The following DLGAP2 variants were observed in gnomAD, a reference collection of about 807,000 sequenced individuals.
DLGAP2 encodes the protein DLG associated protein 2.
Under a neutral mutation model 100.3 loss-of-function variants are expected in DLGAP2, and 26 were observed. The observed-to-expected ratio is 0.26, with a 90% confidence interval of 0.19 to 0.36. The LOEUF (loss-of-function observed/expected upper bound fraction) is 0.36, where lower values mean the gene tolerates loss of function less well. DLGAP2 is among the 10% of genes least tolerant of loss of function. The pLI is 1.00. For synonymous variants in DLGAP2, 886 were observed against 630.1 expected (o/e 1.41, Z -6.08); for missense variants, 1,858 against 1,453.2 (o/e 1.28, Z -4.53).
intron 9 of DLGAP2, 122 bp downstream of exon 9, chr8:1,668,800 T>A (rs1475115231): frequency 9.5e-6 from 9 of 944,246 alleles, no homozygotes; most frequent in Non-Finnish European, 1.4e-5. Context: ...CCAGCAGGGC[T>A]GTGGAATCTG....
At chr8:1,074,172 G>T (rs144344945) in intron 2 of DLGAP2, among the ~76,000 whole-genome samples, 5 of 135,700 alleles carry the variant, frequency 3.7e-5, no homozygotes, top group Admixed American at 1.5e-4. Flanking sequence ...ATATTCAGGA[G>T]TCACTGTAAC....
intron 13 of DLGAP2, among the ~76,000 whole-genome samples, chr8:1,693,209 ATG>A (rs1030998843): frequency 1.3e-5 from 2 of 148,474 alleles, no homozygotes; most frequent in Non-Finnish European, 3.0e-5. Flanking sequence ...AATATATAGT[ATG>A]TGTGTAGGCA....
intron 1 of DLGAP2, among the ~76,000 whole-genome samples, chr8:892,222 G>C (rs1003148512): frequency 6.6e-6 from 1 of 152,224 alleles, no homozygotes; most frequent in Admixed American, 6.5e-5. Context: ...ATGATAGACA[G>C]CGGGGTCTCG....
intron 2 of DLGAP2, among the ~76,000 whole-genome samples, chr8:937,755 C>T (rs1799104617): frequency 6.6e-6 from 1 of 152,178 alleles, no homozygotes; most frequent in Non-Finnish European, 1.5e-5. Flanking sequence ...GTGTTGTCTG[C>T]GTCTGTGCCC....
At chr8:1,330,323 G>C (rs1375450062) in intron 3 of DLGAP2, among the ~76,000 whole-genome samples, 2 of 151,024 alleles carry the variant, frequency 1.3e-5, no homozygotes, top group African/African-American at 4.9e-5. Context: ...CTGAGTTCTG[G>C]GTGGGAGCAC....
At chr8:996,417 T>G (rs1176174678) in intron 2 of DLGAP2, among the ~76,000 whole-genome samples, 1 of 151,776 alleles carries the variant, frequency 6.6e-6, no homozygotes, top group Non-Finnish European at 1.5e-5. Context: ...CGTGTGTGCT[T>G]TGAGCAAAGC....
At position 1,644,019 on chromosome 8, in the gene DLGAP2, C is replaced by T. The variant is rs562624090; in HGVS notation, c.1810+10973C>T. On this transcript the variant is annotated intron_variant, in intron 8 of 14. Transcript: ENST00000637795. ...TCCTCACCTGTGTCACCCTCGACCC[C>T]GCCGGCCCTCACCTGTGTCACCCTC... Among the ~76,000 whole-genome samples the T allele has an allele frequency of 7.9e-5, 6 of 76,230 alleles. 3 individuals are homozygous for T. The highest frequency in any genetic ancestry group is 4.7e-4 in the African/African-American group (6 of 12,738). The allele number at this position is 76,230 out of a possible 152,430, so 50.0% of individuals were successfully genotyped here. A position where few individuals can be genotyped will look rare whatever the true frequency, so the allele number is the denominator to read the frequency against.
At chr8:805,192 A>G (rs1796244755) in intron 1 of DLGAP2, among the ~76,000 whole-genome samples, 1 of 152,224 alleles carries the variant, frequency 6.6e-6, no homozygotes, top group Non-Finnish European at 1.5e-5. Context: ...TAATGCCCAG[A>G]ATAATGAAGG....
At chr8:951,765 G>A (rs1799485864) in intron 2 of DLGAP2, among the ~76,000 whole-genome samples, 1 of 152,196 alleles carries the variant, frequency 6.6e-6, no homozygotes, top group Non-Finnish European at 1.5e-5. Context: ...GCATTTCCTA[G>A]ATCAGATGAG....
intron 3 of DLGAP2, among the ~76,000 whole-genome samples, chr8:1,483,402 C>T (rs1212736372): frequency 6.6e-6 from 1 of 152,182 alleles, no homozygotes; most frequent in Non-Finnish European, 1.5e-5. Context: ...AGCACACCTG[C>T]TGTTGGCTTG....
chr8:1,375,207 T>G lies in DLGAP2; in HGVS notation c.106+116324T>G, dbSNP rs60963060. ...CCCCTCTCCACGGCCTCAGAACTGA[T>G]CCCCCACCTCCTACATTTGGGTTAA... On this transcript the variant is annotated intron_variant, in intron 3 of 14. Transcript: ENST00000637795. Among the ~76,000 whole-genome samples the G allele has an allele frequency of 4.7e-3, 304 of 64,574 alleles. 36 individuals carry two copies. The highest frequency in any genetic ancestry group is 0.018 in the East Asian group (25 of 1,390). 42.4% of individuals were successfully genotyped at this position (64,574 alleles called of 152,430 possible). A position where few individuals can be genotyped will look rare whatever the true frequency, so the allele number is the denominator to read the frequency against.
At chr8:1,506,976 A>G (rs1306684536) in intron 4 of DLGAP2, among the ~76,000 whole-genome samples, 1 of 152,250 alleles carries the variant, frequency 6.6e-6, no homozygotes, top group Non-Finnish European at 1.5e-5. Context: ...AGCTAGATAC[A>G]GGGTGCTGAT....
chr8:835,061 G>A (rs1278790059), intron 1 of DLGAP2, among the ~76,000 whole-genome samples: 2 of 152,130 alleles, frequency 1.3e-5, no homozygotes, highest in African/African-American at 2.4e-5. Flanking sequence ...GCACGTGTTA[G>A]TGTGCATGTA....
At chr8:1,591,719 C>G (rs1315124059) in intron 6 of DLGAP2, among the ~76,000 whole-genome samples, 1 of 152,170 alleles carries the variant, frequency 6.6e-6, no homozygotes, top group Admixed American at 6.5e-5. Context: ...CCCACACACC[C>G]GCATATCTCC....
At chr8:793,180 T>G (rs1795954205) in intron 1 of DLGAP2, among the ~76,000 whole-genome samples, 1 of 152,252 alleles carries the variant, frequency 6.6e-6, no homozygotes, top group South Asian at 2.1e-4. Context: ...AGTCTCTTTG[T>G]TCACATCTGT....
chr8:1,169,176 A>C (rs1797076822), intron 2 of DLGAP2, among the ~76,000 whole-genome samples: 1 of 151,946 alleles, frequency 6.6e-6, no homozygotes. Flanking sequence ...AGGTTTGTCA[A>C]AGATCAGATG....
rs146144759 is a variant in DLGAP2, at chr8:1,358,211, A to G, written c.106+99328A>G. ...TCAAAAGGATGTGGACGCACAAAGG[A>G]GAAGGGGCTGCGAAAGGTTTGGTGA... On this transcript the variant is annotated intron_variant, in intron 3 of 14. Coordinates refer to ENST00000637795, the MANE Select transcript of DLGAP2 (RefSeq NM_001346810.2). Among the ~76,000 whole-genome samples the G allele has an allele frequency of 6.2e-4, 94 of 152,322 alleles. 1 individual carries two copies. Among genetic ancestry groups the G allele is most frequent in the East Asian group, 4.8e-3 (25 of 5,186 alleles).
rs890797021 is a variant in DLGAP2 at position 825,518 on chromosome 8, A to G, written c.19-82394A>G. Among the ~76,000 whole-genome samples, 8 of 152,146 alleles carry G rather than the reference A, an allele frequency of 5.3e-5. 1 individual carries two copies. Among genetic ancestry groups the G allele is most frequent in the African/African-American group, 1.9e-4 (8 of 41,436 alleles). ...GCAAAGCATTCCCCACCCACTGAGAAACTTTGTTAGCATGAAGTTCATCTT... is the reference window on the plus strand; with the variant it reads ...GCAAAGCATTCCCCACCCACTGAGAGACTTTGTTAGCATGAAGTTCATCTT... On this transcript the variant is annotated intron_variant, in intron 1 of 14. Coordinates refer to ENST00000637795, the MANE Select transcript of DLGAP2 (RefSeq NM_001346810.2).
At chr8:809,427 G>A (rs996245861) in intron 1 of DLGAP2, among the ~76,000 whole-genome samples, 31 of 149,554 alleles carry the variant, frequency 2.1e-4, no homozygotes, top group African/African-American at 6.6e-4. Flanking sequence ...CATCAGTAAC[G>A]TGCTTAGGGT....
Sources: allele counts gnomAD v4.1 joint callset (sites outside exome capture counted in the v4.1 genomes callset), GRCh38; gene constraint gnomAD v4.1.1; transcripts MANE v1.5; gene names NCBI Gene and HGNC (gene_info 2026-07-23, HGNC 2026-07-21).